The following FCRL4 variants were observed in gnomAD, a reference collection of about 807,000 sequenced individuals.
FCRL4 encodes the protein Fc receptor like 4.
A neutral mutation model predicts 64.1 loss-of-function variants in FCRL4; 43 were observed. The ratio of observed to expected loss-of-function variants is 0.67; its 90% confidence interval spans 0.53 to 0.87. The LOEUF (loss-of-function observed/expected upper bound fraction) is 0.87. Among genes scored for constraint, FCRL4 ranks in the 40% least tolerant of loss-of-function variants. The pLI, the probability that FCRL4 is intolerant of heterozygous loss-of-function variation, is 0.00. For missense variants in FCRL4, 656 were observed against 613.5 expected (o/e 1.07, Z -0.73); for synonymous variants, 253 against 239.8 (o/e 1.05, Z -0.51).
chr1:157,596,413 GC>G, intron 1 of FCRL4, 65 bp from the exon 2 acceptor site: 1 of 1,563,400 alleles, frequency 6.4e-7, no homozygotes, highest in Non-Finnish European at 8.8e-7. Context: ...CACCCTGAGA[GC>G]CCATACACTC....
At position 157,575,314 on chromosome 1, in the gene FCRL4, G is replaced by A. The variant is rs1476114219; in HGVS notation, c.*210C>T. ...GGTCTTCTCTTAACTGTGGATCCTG[G>A]TCATTTTAGTGAAGTCTTTCAGAGG... On this transcript the variant is annotated 3_prime_UTR_variant, in exon 12 of 12. Coordinates refer to ENST00000271532, the MANE Select transcript of FCRL4 (RefSeq NM_031282.3). 3.5e-6 allele frequency: 2 copies of A among 579,292 alleles called. No individual in the cohort carries two copies. Among genetic ancestry groups the A allele is most frequent in the Non-Finnish European group, 6.2e-6 (2 of 323,958 alleles). 35.9% of individuals were successfully genotyped at this position (579,292 alleles called of 1,614,324 possible). A position where few individuals can be genotyped will look rare whatever the true frequency, so the allele number is the denominator to read the frequency against.
chr1:157,579,308 T>A lies in FCRL4; in HGVS notation c.1278-456A>T, dbSNP rs950953962. The stretch of plus-strand genomic sequence containing the variant: ...TTGCTTAAGCCTGGCAGGTCAAGAC[T>A]GCAGGAAACTGAGATGATGCCATTG... On this transcript the variant is annotated intron_variant, in intron 8 of 11. Coordinates refer to ENST00000271532, the MANE Select transcript of FCRL4 (RefSeq NM_031282.3). Among the ~76,000 whole-genome samples, 29 of 152,194 alleles carry A rather than the reference T, an allele frequency of 1.9e-4. 1 individual carries two copies. The highest frequency in any genetic ancestry group is 5.9e-5 in the Non-Finnish European group (4 of 68,030).
rs927878874 is a variant in FCRL4 at position 157,586,110 on chromosome 1, C to T, written c.1135+58G>A. 4.6e-6 allele frequency: 7 copies of T among 1,510,418 alleles called. No homozygotes were observed. In the African/African-American group the frequency reaches 8.3e-5, roughly 18 times the overall value. 93.6% of individuals were successfully genotyped at this position (1,510,418 alleles called of 1,614,324 possible). A position where few individuals can be genotyped will look rare whatever the true frequency, so the allele number is the denominator to read the frequency against. On this transcript the variant is annotated intron_variant, in intron 6 of 11. Coordinates refer to ENST00000271532, the MANE Select transcript of FCRL4 (RefSeq NM_031282.3). The stretch of plus-strand genomic sequence containing the variant: ...CACAGGGTAATGTTAGCTATCCCCA[C>T]CCTTAATTTGAGGAAGTTTGCTGAG...
At position 157,580,322 on chromosome 1, in the gene FCRL4, T is replaced by C. The variant is rs146438319; in HGVS notation, c.1276A>G (p.Arg426Gly). ...SGVGFLGDET[R>G]LPPAPGPGES... ...GAATGGCAGAAACTGAGGTCTCACC[T>C]GGTTTCGTCTCCCAAGAAACCAACT... The change falls in exon 8 of 12, where the codon AGG (arginine) becomes GGG (glycine). Residue 426 changes from arginine (R) to glycine (G), a missense_variant and splice_region_variant. Arg to Gly is a moderately radical substitution (Grantham distance 125, BLOSUM62 -2). Coordinates refer to ENST00000271532, the MANE Select transcript of FCRL4 (RefSeq NM_031282.3). 1 of 1,614,018 alleles carries C rather than the reference T, an allele frequency of 6.2e-7. No individual in the cohort carries two copies. Among genetic ancestry groups the C allele is most frequent in the Non-Finnish European group, 8.5e-7 (1 of 1,179,990 alleles).
chr1:157,596,139 T>G (rs1332361428), intron 2 of FCRL4, among the ~76,000 whole-genome samples, 189 bp downstream of exon 2: 2 of 152,190 alleles, frequency 1.3e-5, no homozygotes, highest in East Asian at 3.9e-4. Context: ...CAGTTTTGGT[T>G]TAAGAGAGTC....
chr1:157,578,720 A>T (rs767347010), intron 9 of FCRL4, 50 bp downstream of exon 9: 1 of 1,580,144 alleles, frequency 6.3e-7, no homozygotes, highest in East Asian at 2.2e-5. Flanking sequence ...AAAGCGCATT[A>T]TCTTTCCATG....
chr1:157,580,292 A>G (rs1571136102), intron 8 of FCRL4, 29 bp downstream of exon 8: 4 of 1,613,704 alleles, frequency 2.5e-6, no homozygotes, highest in Non-Finnish European at 2.5e-6. Flanking sequence ...CGGGAAACTA[A>G]AAAGGAATGG....
chr1:157,578,379 C>T (rs1652461733), intron 10 of FCRL4, 95 bp downstream of exon 10: 3 of 1,054,150 alleles, frequency 2.8e-6, no homozygotes, highest in East Asian at 2.4e-5. Flanking sequence ...ACTTCCCATA[C>T]TTACAAGAAT....
At chr1:157,594,509 A>G (rs901006627) in intron 2 of FCRL4, among the ~76,000 whole-genome samples, 1 of 152,222 alleles carries the variant, frequency 6.6e-6, no homozygotes, top group African/African-American at 2.4e-5. Flanking sequence ...GTGGTAATGT[A>G]ACTTCTGTGA....
Position 157,596,364 on chromosome 1 carries a change from G to A in FCRL4, c.32-16C>T. The A allele has an allele frequency of 3.1e-6, 5 of 1,613,908 alleles. No individual in the cohort carries two copies. The highest frequency in any genetic ancestry group is 1.1e-5 in the South Asian group (1 of 91,046). ...CAGACTGGAGCTGAAAGAGAGTAAAGAGCCAGCCATCAGCGTAGGCGAAGA... is the reference window on the plus strand; with the variant it reads ...CAGACTGGAGCTGAAAGAGAGTAAAAAGCCAGCCATCAGCGTAGGCGAAGA... On this transcript the variant is annotated splice_polypyrimidine_tract_variant and intron_variant, in intron 1 of 11. Coordinates refer to ENST00000271532, the MANE Select transcript of FCRL4 (RefSeq NM_031282.3).
intron 4 of FCRL4, 93 bp from the exon 5 acceptor site, chr1:157,587,653 A>G (rs1180394653): frequency 1.5e-6 from 2 of 1,377,664 alleles, no homozygotes; most frequent in African/African-American, 1.4e-5. Context: ...GAAACTTCAG[A>G]CACACAGCAA....
chr1:157,596,359 G>T lies in FCRL4; in HGVS notation c.32-11C>A. The T allele has an allele frequency of 6.2e-7, 1 of 1,613,950 alleles. No individual in the cohort carries two copies. Among genetic ancestry groups the T allele is most frequent in the East Asian group, 2.2e-5 (1 of 44,880 alleles). ...GTCCACAGACTGGAGCTGAAAGAGA[G>T]TAAAGAGCCAGCCATCAGCGTAGGC... is the stretch of plus-strand genomic sequence containing the variant. On this transcript the variant is annotated splice_polypyrimidine_tract_variant and intron_variant, in intron 1 of 11. Coordinates refer to ENST00000271532, the MANE Select transcript of FCRL4 (RefSeq NM_031282.3).
intron 2 of FCRL4, among the ~76,000 whole-genome samples, chr1:157,595,212 T>G (rs546865276): frequency 6.6e-6 from 1 of 152,222 alleles, no homozygotes. Flanking sequence ...TGCAGACACT[T>G]TTTAAAAAGA....
rs1278447400 is a variant in FCRL4 at position 157,580,330 on chromosome 1, T to C, written c.1268A>G (p.Asp423Gly). ...RRKSGVGFLGDETRLPPAPGP... is the reference protein window; with the variant it reads ...RRKSGVGFLGGETRLPPAPGP... ...GAAACTGAGGTCTCACCTGGTTTCGTCTCCCAAGAAACCAACTCCTGCAAA... is the reference window on the plus strand; with the variant it reads ...GAAACTGAGGTCTCACCTGGTTTCGCCTCCCAAGAAACCAACTCCTGCAAA... Residue 423 changes from aspartate to glycine, a missense_variant, in exon 8 of 12, where the codon GAC becomes GGC. By Grantham distance (94) the Asp-to-Gly change is moderately conservative (BLOSUM62 -1). Transcript: ENST00000271532. 6.2e-7 allele frequency: 1 copy of C among 1,614,000 alleles called. No individual in the cohort carries two copies. Among genetic ancestry groups the C allele is most frequent in the Non-Finnish European group, 8.5e-7 (1 of 1,180,008 alleles).
chr1:157,597,314 T>G (rs1054445652), intron 1 of FCRL4, among the ~76,000 whole-genome samples: 2 of 152,174 alleles, frequency 1.3e-5, no homozygotes, highest in Non-Finnish European at 2.9e-5. Flanking sequence ...TAATAAATAT[T>G]TAATGAACAA....
intron 2 of FCRL4, among the ~76,000 whole-genome samples, chr1:157,592,304 C>T (rs1257308045): frequency 2.6e-5 from 4 of 152,098 alleles, no homozygotes; most frequent in African/African-American, 9.7e-5. Flanking sequence ...TCAGAGCAAA[C>T]AGGCAACCTA....
chr1:157,596,779 T>C (rs1488785038), intron 1 of FCRL4, among the ~76,000 whole-genome samples: 1 of 152,158 alleles, frequency 6.6e-6, no homozygotes, highest in Non-Finnish European at 1.5e-5. Flanking sequence ...AGACAGACAG[T>C]AGAGGGTAGT....
In FCRL4 at chr1:157,581,407, CTGGGAGTGGAGACT is replaced by C. The variant is rs142834079; in HGVS notation, c.1249+110_1249+123del. The C allele has an allele frequency of 6.0e-3, 4,375 of 728,140 alleles. 131 individuals carry two copies. In the African/African-American group the frequency reaches 0.068, roughly 11 times the overall value. The allele number at this position is 728,140 out of a possible 1,614,324, so 45.1% of individuals were successfully genotyped here. ...GGACGGACGTGAGTGTGTGTGAACG[CTGGGAGTGGAGACT>C]TGGGAGTGGAGACTTGGGAGTGGTG... On this transcript the variant is annotated intron_variant, in intron 7 of 11. Transcript: ENST00000271532.
In FCRL4 at chr1:157,587,583, G is replaced by A. The variant is rs1335305049; in HGVS notation, c.563-23C>T. The stretch of plus-strand genomic sequence containing the variant: ...GTTCTAGAGAGAAGAGGTAAGTCAA[G>A]TTCTGAGCACGAGAGTATTTAGGAC... On this transcript the variant is annotated intron_variant, in intron 4 of 11. Transcript: ENST00000271532. 7.5e-6 allele frequency: 12 copies of A among 1,607,732 alleles called. No homozygotes were observed. In the East Asian group the frequency reaches 2.2e-4, roughly 30 times the overall value.
Sources: gnomAD v4.1 joint callset for allele counts (sites outside exome capture counted in the v4.1 genomes callset) on GRCh38, gnomAD v4.1.1 for gene constraint, MANE v1.5 for transcripts, NCBI Gene and HGNC (gene_info 2026-07-23, HGNC 2026-07-21) for gene names.